IL1RAPL2: variants seen among roughly 807,000 people sequenced by gnomAD.
The protein encoded by IL1RAPL2 is interleukin 1 receptor accessory protein like 2, also known as X-linked interleukin-1 receptor accessory protein-like 2.
A neutral mutation model predicts 44.1 loss-of-function variants in IL1RAPL2; 3 were observed. The observed-to-expected ratio is 0.07, with a 90% CI of 0.03 to 0.18. IL1RAPL2 has a LOEUF of 0.18. IL1RAPL2 is among the 10% of genes least tolerant of loss of function. The probability of loss-of-function intolerance (pLI) is 1.00; values close to 1 mark genes in which losing one functional copy is unlikely to be tolerated. For synonymous variants in IL1RAPL2, 181 were observed against 178.8 expected (o/e 1.01, Z -0.10); for missense variants, 391 against 496.4 (o/e 0.79, Z 2.02).
chrX:104,754,638 A>G (rs1227052995), intron 2 of IL1RAPL2, among the ~76,000 whole-genome samples: 1 of 111,760 alleles, frequency 8.9e-6, no homozygotes, highest in Admixed American at 9.5e-5. Context: ...TGAAATTGGT[A>G]GGCCAATGGA....
intron 6 of IL1RAPL2, among the ~76,000 whole-genome samples, chrX:105,545,489 G>C (rs754009440): frequency 8.9e-6 from 1 of 112,155 alleles, no homozygotes; most frequent in Non-Finnish European, 1.9e-5. Context: ...TAATCACTTT[G>C]ATTTTTTGTG....
chrX:104,837,996 A>G (rs1921788850), intron 2 of IL1RAPL2, among the ~76,000 whole-genome samples: 1 of 111,634 alleles, frequency 9.0e-6, no homozygotes, highest in Non-Finnish European at 1.9e-5. Context: ...TCATTTAACC[A>G]TTGCTTGTTT....
At chrX:104,599,613 G>A (rs1356567473) in intron 1 of IL1RAPL2, among the ~76,000 whole-genome samples, 4 of 101,300 alleles carry the variant, frequency 3.9e-5, no homozygotes, top group African/African-American at 1.5e-4. Context: ...AACCCAGATC[G>A]AATTTAGAAA....
chrX:104,717,966 G>A (rs1347982450), intron 2 of IL1RAPL2, among the ~76,000 whole-genome samples: 1 of 110,887 alleles, frequency 9.0e-6, no homozygotes, highest in Non-Finnish European at 1.9e-5. Flanking sequence ...AGTATTCCAT[G>A]GTGTATATGT....
intron 5 of IL1RAPL2, among the ~76,000 whole-genome samples, chrX:105,309,002 C>A (rs911982162): frequency 9.0e-6 from 1 of 110,586 alleles, no homozygotes; most frequent in East Asian, 2.8e-4. Flanking sequence ...AAGAGGGTAT[C>A]TCATTCTGTT....
In IL1RAPL2 at chrX:105,728,418, G is replaced by A. The variant is rs754878247; in HGVS notation, c.902+10922G>A. Among the ~76,000 whole-genome samples, 4 of 111,598 alleles carry A rather than the reference G, an allele frequency of 3.6e-5. No individual in the cohort carries two copies. The South Asian group carries it at 1.5e-3, about 41-fold the overall frequency. On this transcript the variant is annotated intron_variant, in intron 7 of 10. Coordinates refer to ENST00000372582, the MANE Select transcript of IL1RAPL2 (RefSeq NM_017416.2). ...TTACTGAGTTTTCTTAATGCTACCA[G>A]CACCATGCTAGTTGCTAGTGGTACA... is the stretch of plus-strand genomic sequence containing the variant.
intron 2 of IL1RAPL2, among the ~76,000 whole-genome samples, chrX:104,975,126 A>C (rs2030308581): frequency 9.0e-6 from 1 of 111,210 alleles, no homozygotes; most frequent in Non-Finnish European, 1.9e-5. Flanking sequence ...GTTGGCTTGC[A>C]GGAATTTGCG....
At chrX:104,718,411 A>G (rs181532902) in intron 2 of IL1RAPL2, among the ~76,000 whole-genome samples, 1 of 111,097 alleles carries the variant, frequency 9.0e-6, no homozygotes, top group East Asian at 2.9e-4. Flanking sequence ...GTCCCCACCC[A>G]TATGTCGACT....
At chrX:104,917,244 A>C (rs1277127136) in intron 2 of IL1RAPL2, among the ~76,000 whole-genome samples, 1 of 111,823 alleles carries the variant, frequency 8.9e-6, no homozygotes, top group Non-Finnish European at 1.9e-5. Flanking sequence ...CCTCAATTTC[A>C]GAGCCTGTTA....
intron 5 of IL1RAPL2, among the ~76,000 whole-genome samples, chrX:105,306,980 C>G (rs767201923): frequency 9.0e-6 from 1 of 111,180 alleles, no homozygotes; most frequent in Non-Finnish European, 1.9e-5. Context: ...ATGTCAGAAG[C>G]GGAAGCAGGC....
intron 2 of IL1RAPL2, among the ~76,000 whole-genome samples, chrX:105,074,946 G>T (rs2032269249): frequency 9.0e-6 from 1 of 111,189 alleles, no homozygotes; most frequent in African/African-American, 3.3e-5. Flanking sequence ...TTTGGGCTGA[G>T]ACGATGGGGT....
intron 2 of IL1RAPL2, among the ~76,000 whole-genome samples, chrX:104,790,088 A>G (rs930317187): frequency 2.7e-5 from 3 of 112,282 alleles, no homozygotes; most frequent in Non-Finnish European, 5.6e-5. Flanking sequence ...ATGGTGCTGC[A>G]TGCATGCATT....
intron 1 of IL1RAPL2, among the ~76,000 whole-genome samples, chrX:104,572,101 G>A (rs1157905579): frequency 9.0e-6 from 1 of 111,695 alleles, no homozygotes; most frequent in Non-Finnish European, 1.9e-5. Context: ...TTTGGGGAAT[G>A]CCCTTCCCCT....
intron 5 of IL1RAPL2, among the ~76,000 whole-genome samples, chrX:105,464,681 G>A (rs1341940747): frequency 9.0e-6 from 1 of 111,533 alleles, no homozygotes; most frequent in African/African-American, 3.3e-5. Flanking sequence ...TACTAAGATC[G>A]TGTTGAAAAT....
At chrX:104,770,558 T>C (rs1359622915) in intron 2 of IL1RAPL2, among the ~76,000 whole-genome samples, 1 of 111,843 alleles carries the variant, frequency 8.9e-6, no homozygotes, top group Non-Finnish European at 1.9e-5. Flanking sequence ...TATTATGATC[T>C]CCATTTTATG....
chrX:105,721,952 C>T (rs2038308631), intron 7 of IL1RAPL2, among the ~76,000 whole-genome samples: 1 of 112,224 alleles, frequency 8.9e-6, no homozygotes, highest in African/African-American at 3.2e-5. Context: ...ACCACCATGC[C>T]TGGCTAAGAT....
At chrX:105,174,593 C>G (rs184389750) in intron 2 of IL1RAPL2, among the ~76,000 whole-genome samples, 41 of 111,303 alleles carry the variant, frequency 3.7e-4, no homozygotes, top group Non-Finnish European at 6.6e-4. Flanking sequence ...CTCTTTTTAC[C>G]TGGGCTAGTA....
intron 6 of IL1RAPL2, among the ~76,000 whole-genome samples, chrX:105,688,970 G>A (rs1446825389): frequency 9.0e-6 from 1 of 111,530 alleles, no homozygotes; most frequent in Non-Finnish European, 1.9e-5. Context: ...CAAGAAAGGG[G>A]GAAATGATTC....
At chrX:105,077,834 G>C (rs1347957358) in intron 2 of IL1RAPL2, among the ~76,000 whole-genome samples, 1 of 112,069 alleles carries the variant, frequency 8.9e-6, no homozygotes, top group Non-Finnish European at 1.9e-5. Context: ...GATTGCATCA[G>C]TTACTGAGGC....
Sources: gnomAD v4.1 joint callset for allele counts (sites outside exome capture counted in the v4.1 genomes callset) on GRCh38, gnomAD v4.1.1 for gene constraint, MANE v1.5 for transcripts, NCBI Gene and HGNC (gene_info 2026-07-23, HGNC 2026-07-21) for gene names.